The following BMP7 variants were observed in gnomAD, a reference collection of about 807,000 sequenced individuals.
BMP7 encodes bone morphogenetic protein 7.
BMP7 carries 12 observed loss-of-function variants against 41.2 expected under a neutral mutation model. That is an observed-to-expected ratio of 0.29 (90% CI 0.19 to 0.47). The LOEUF (loss-of-function observed/expected upper bound fraction) is 0.47. BMP7 is among the 20% of genes least tolerant of loss of function. BMP7 has a pLI of 0.99. For missense variants in BMP7, 467 were observed against 606.0 expected (o/e 0.77, Z 2.41); for synonymous variants, 248 against 250.0 (o/e 0.99, Z 0.07).
chr20:57,195,949 G>A (rs1214231232), intron 3 of BMP7, among the ~76,000 whole-genome samples: 1 of 152,202 alleles, frequency 6.6e-6, no homozygotes, highest in African/African-American at 2.4e-5. Flanking sequence ...TCAGGGTATG[G>A]ACAGCCAGCG....
intron 1 of BMP7, among the ~76,000 whole-genome samples, chr20:57,250,220 C>T (rs2066106457): frequency 6.6e-6 from 1 of 151,424 alleles, no homozygotes; most frequent in African/African-American, 2.4e-5. Context: ...TGCTTGAGCC[C>T]AGGAGTTCAA....
chr20:57,238,537 C>T (rs1397599969), intron 1 of BMP7, among the ~76,000 whole-genome samples: 1 of 152,076 alleles, frequency 6.6e-6, no homozygotes, highest in East Asian at 1.9e-4. Flanking sequence ...ATTCTGTTTT[C>T]CATAGTGGCT....
At chr20:57,219,774 G>A (rs1484934476) in intron 2 of BMP7, among the ~76,000 whole-genome samples, 1 of 152,132 alleles carries the variant, frequency 6.6e-6, no homozygotes, top group African/African-American at 2.4e-5. Context: ...GCGCAGCACC[G>A]CTCCCTCACC....
chr20:57,176,574 G>T (rs913475051), intron 4 of BMP7, among the ~76,000 whole-genome samples: 1 of 152,158 alleles, frequency 6.6e-6, no homozygotes, highest in African/African-American at 2.4e-5. Flanking sequence ...CTTGGGGACT[G>T]CTCTAGCTCT....
intron 3 of BMP7, among the ~76,000 whole-genome samples, chr20:57,198,307 A>G (rs1984549890): frequency 6.6e-6 from 1 of 151,876 alleles, no homozygotes; most frequent in South Asian, 2.1e-4. Flanking sequence ...GGTCTCTGAC[A>G]CCAGCATCCA....
rs968718987 is a variant in BMP7 at position 57,169,101 on chromosome 20, C to T, written c.*1858G>A. The stretch of plus-strand genomic sequence containing the variant: ...AGGGATCACACAAAAAGCCCCAGCT[C>T]TGCCAGCAAATGAAACCAAACATAA... On this transcript the variant is annotated 3_prime_UTR_variant, in exon 7 of 7. Transcript: ENST00000395863. The T allele has an allele frequency of 6.6e-6, 1 of 152,242 alleles. No homozygotes were observed. Among genetic ancestry groups the T allele is most frequent in the African/African-American group, 2.4e-5 (1 of 41,456 alleles). 9.4% of individuals were successfully genotyped at this position (152,242 alleles called of 1,614,324 possible).
At chr20:57,242,922 G>A (rs1408212301) in intron 1 of BMP7, among the ~76,000 whole-genome samples, 1 of 152,170 alleles carries the variant, frequency 6.6e-6, no homozygotes, top group African/African-American at 2.4e-5. Flanking sequence ...AGAATCACTT[G>A]AACCCAGGAG....
intron 3 of BMP7, among the ~76,000 whole-genome samples, chr20:57,189,947 GACAGTGGGGC>G (rs1984311048): frequency 6.6e-6 from 1 of 152,226 alleles, no homozygotes; most frequent in East Asian, 1.9e-4. Context: ...GCAGGGACAT[GACAGTGGGGC>G]ACAGTGTACA....
At chr20:57,196,124 T>A (rs1460405987) in intron 3 of BMP7, among the ~76,000 whole-genome samples, 1 of 152,136 alleles carries the variant, frequency 6.6e-6, no homozygotes, top group Admixed American at 6.5e-5. Flanking sequence ...GGAGACACCA[T>A]GAACCAGGAC....
intron 1 of BMP7, among the ~76,000 whole-genome samples, chr20:57,240,642 A>G (rs1469054057): frequency 6.6e-6 from 1 of 152,108 alleles, no homozygotes; most frequent in Admixed American, 6.5e-5. Context: ...AAAAGGTTTA[A>G]TTGGACTTAC....
At chr20:57,183,422 G>T in intron 4 of BMP7, among the ~76,000 whole-genome samples, 1 of 208 alleles carries the variant, frequency 4.8e-3, no homozygotes, top group African/African-American at 0.02. Flanking sequence ...CACGTTTCAG[G>T]GTCTTTCCTT....
At chr20:57,187,931 GTT>G (rs1054422684) in intron 3 of BMP7, among the ~76,000 whole-genome samples, 1 of 152,158 alleles carries the variant, frequency 6.6e-6, no homozygotes, top group African/African-American at 2.4e-5. Context: ...TTGTCACCAA[GTT>G]TGGAAAAAGG....
chr20:57,237,911 G>A (rs909918534), intron 1 of BMP7, among the ~76,000 whole-genome samples: 3 of 152,190 alleles, frequency 2.0e-5, no homozygotes, highest in African/African-American at 7.2e-5. Flanking sequence ...ACCTAAGCCA[G>A]GTAAACAGCC....
At chr20:57,241,630 C>T (rs2066070145) in intron 1 of BMP7, among the ~76,000 whole-genome samples, 2 of 152,210 alleles carry the variant, frequency 1.3e-5, no homozygotes, top group Admixed American at 1.3e-4. Context: ...GACACTGCCT[C>T]CTTGTTAGGT....
chr20:57,172,718 T>C (rs1338902109), intron 6 of BMP7, among the ~76,000 whole-genome samples: 2 of 152,228 alleles, frequency 1.3e-5, no homozygotes, highest in Non-Finnish European at 2.9e-5. Context: ...CATTATCACA[T>C]GGAATCTTCC....
chr20:57,222,192 A>G (rs1424588162), intron 2 of BMP7, among the ~76,000 whole-genome samples: 1 of 152,192 alleles, frequency 6.6e-6, no homozygotes, highest in African/African-American at 2.4e-5. Flanking sequence ...GCAAACACTC[A>G]GCAAACGGAA....
At position 57,259,007 on chromosome 20, in the gene BMP7, C is replaced by G. The variant is rs1206622094; in HGVS notation, c.418+6698G>C. ...GTTGAGGAAGAGATTCTCTTGTAGC[C>G]TTTATAAAATGAGGACACAAATGCA... On this transcript the variant is annotated intron_variant, in intron 1 of 6. Transcript: ENST00000395863. This position sits in a 1 kb window ranked among gnomAD's most constrained non-coding sequence, Gnocchi z 4.7. Among the ~76,000 whole-genome samples the G allele has an allele frequency of 6.6e-6, 1 of 152,130 alleles. No homozygotes were observed. Among genetic ancestry groups the G allele is most frequent in the Non-Finnish European group, 1.5e-5 (1 of 68,020 alleles).
intron 1 of BMP7, among the ~76,000 whole-genome samples, chr20:57,255,821 A>AAAAAAAG (rs1568731432): frequency 1.3e-5 from 2 of 149,868 alleles, no homozygotes; most frequent in African/African-American, 2.4e-5. Context: ...AAAAAAAAAA[A>AAAAAAAG]AAAGAAAGAA....
At chr20:57,233,507 G>T (rs2066036507) in intron 1 of BMP7, among the ~76,000 whole-genome samples, 1 of 152,188 alleles carries the variant, frequency 6.6e-6, no homozygotes, top group African/African-American at 2.4e-5. Context: ...GTCAATAATG[G>T]GTTAGAGGCC....
Sources: gnomAD v4.1 joint callset for allele counts (sites outside exome capture counted in the v4.1 genomes callset) on GRCh38, gnomAD v4.1.1 for gene constraint, Gnocchi (gnomAD v3.1) non-coding constraint, MANE v1.5 for transcripts, NCBI Gene and HGNC (gene_info 2026-07-23, HGNC 2026-07-21) for gene names.